The following PARD3B variants were observed in gnomAD, a reference collection of about 807,000 sequenced individuals.
The protein encoded by PARD3B is par-3 family cell polarity regulator beta.
Under a neutral mutation model 130.2 loss-of-function variants are expected in PARD3B, and 103 were observed. The ratio of observed to expected loss-of-function variants is 0.79; its 90% CI spans 0.67 to 0.93. The LOEUF (loss-of-function observed/expected upper bound fraction) is 0.93. Among genes scored for constraint, PARD3B ranks in the 40% least tolerant of loss-of-function variants. PARD3B has a pLI of 0.00. For missense variants in PARD3B, 1,609 were observed against 1,499.2 expected (o/e 1.07, Z -1.21); for synonymous variants, 583 against 553.2 (o/e 1.05, Z -0.76).
At chr2:204,923,111 TATTA>T (rs2047747207) in intron 2 of PARD3B, among the ~76,000 whole-genome samples, 1 of 152,106 alleles carries the variant, frequency 6.6e-6, no homozygotes, top group African/African-American at 2.4e-5. Context: ...GTTTATATTT[TATTA>T]ATTGTAAAAA....
At chr2:204,792,922 C>G (rs1051334709) in intron 2 of PARD3B, among the ~76,000 whole-genome samples, 1 of 151,476 alleles carries the variant, frequency 6.6e-6, no homozygotes, top group Non-Finnish European at 1.5e-5. Context: ...TTTATAGACC[C>G]GTTCATCACC....
chr2:205,096,171 T>A (rs1702383509), intron 4 of PARD3B, among the ~76,000 whole-genome samples: 1 of 152,134 alleles, frequency 6.6e-6, no homozygotes, highest in Non-Finnish European at 1.5e-5. Flanking sequence ...TGTATGTTTA[T>A]TCAGTTGGAG....
At chr2:204,962,189 C>T (rs1456607325) in intron 2 of PARD3B, among the ~76,000 whole-genome samples, 1 of 152,050 alleles carries the variant, frequency 6.6e-6, no homozygotes, top group Admixed American at 6.6e-5. Flanking sequence ...ATTATGGGGT[C>T]TCCTGGAAAT....
intron 2 of PARD3B, among the ~76,000 whole-genome samples, chr2:204,957,515 T>G (rs528730173): frequency 2.6e-5 from 4 of 152,250 alleles, no homozygotes; most frequent in African/African-American, 9.6e-5. Context: ...TCAGTTGAAC[T>G]TTATGAGAAT....
intron 22 of PARD3B, among the ~76,000 whole-genome samples, chr2:205,608,780 T>C (rs1236517239): frequency 6.6e-6 from 1 of 152,236 alleles, no homozygotes; most frequent in East Asian, 1.9e-4. Flanking sequence ...ATTCTTGTAT[T>C]TGTGGTCATT....
In PARD3B at chr2:205,183,730, TTGTGTGTGTGTGTGTGTGTG is replaced by T. The variant is rs71410805; in HGVS notation, c.1925-2009_1925-1990del. Among the ~76,000 whole-genome samples the T allele has an allele frequency of 9.9e-4, 137 of 138,252 alleles. No homozygotes were observed. The highest frequency in any genetic ancestry group is 3.6e-3 in the African/African-American group (134 of 37,174). The allele number at this position is 138,252 out of a possible 152,430, so 90.7% of individuals were successfully genotyped here. ...GGTTCTGCAGAGAAACAGAACCAAG[TTGTGTGTGTGTGTGTGTGTG>T]TGTGTGTGTGTGTGTGTGTGTGTGA... On this transcript the variant is annotated intron_variant, in intron 13 of 22. Transcript: ENST00000406610. The surrounding 1 kb of genome is among the most constrained non-coding windows in gnomAD (Gnocchi z 5.2).
At chr2:204,561,588 C>A (rs532980188) in intron 1 of PARD3B, among the ~76,000 whole-genome samples, 1 of 150,580 alleles carries the variant, frequency 6.6e-6, no homozygotes, top group African/African-American at 2.5e-5. Context: ...TACTCATCTC[C>A]CTTGTATTTT....
chr2:205,433,554 G>C (rs144703850), intron 19 of PARD3B, among the ~76,000 whole-genome samples: 2,852 of 131,402 alleles, frequency 0.022, 38 homozygotes, highest in Non-Finnish European at 0.029. Context: ...AAAAAAAAAA[G>C]GTAAATTGAG....
chr2:205,256,894 G>A (rs1256973737), intron 16 of PARD3B, among the ~76,000 whole-genome samples: 1 of 151,276 alleles, frequency 6.6e-6, no homozygotes, highest in East Asian at 1.9e-4. Context: ...TTAACCATGA[G>A]ACCTGTCATT....
chr2:205,420,186 G>A lies in PARD3B; in HGVS notation c.2741+19063G>A, dbSNP rs566632367. ...AAGAAGCTGTGTTTATGCTTTTCAA[G>A]AGCTATTAGTGGTGTGTGCATGTGA... On this transcript the variant is annotated intron_variant, in intron 19 of 22. Transcript: ENST00000406610. Among the ~76,000 whole-genome samples the A allele has an allele frequency of 3.3e-5, 5 of 152,278 alleles. No homozygotes were observed. The East Asian group carries it at 9.7e-4, about 29-fold the overall frequency.
chr2:205,056,609 T>C (rs1367906990), intron 4 of PARD3B, among the ~76,000 whole-genome samples: 1 of 151,914 alleles, frequency 6.6e-6, no homozygotes, highest in Non-Finnish European at 1.5e-5. Flanking sequence ...AAATTGCTAC[T>C]TTTAGCAAAT....
intron 1 of PARD3B, among the ~76,000 whole-genome samples, chr2:204,640,341 G>C (rs1037476797): frequency 1.3e-5 from 2 of 152,142 alleles, no homozygotes; most frequent in African/African-American, 4.8e-5. Flanking sequence ...GGCATCAGCA[G>C]GTTCCCTTGC....
At chr2:204,560,768 G>C (rs2031256258) in intron 1 of PARD3B, among the ~76,000 whole-genome samples, 1 of 152,096 alleles carries the variant, frequency 6.6e-6, no homozygotes, top group African/African-American at 2.4e-5. Context: ...AGATATTGTT[G>C]GACCTACCTT....
intron 15 of PARD3B, among the ~76,000 whole-genome samples, chr2:205,227,248 G>A (rs188751730): frequency 2.2e-4 from 33 of 152,192 alleles, no homozygotes; most frequent in African/African-American, 7.5e-4. Context: ...TTTCTGTCTC[G>A]ATGATCTGTC....
intron 15 of PARD3B, among the ~76,000 whole-genome samples, chr2:205,228,365 A>G (rs1161937576): frequency 6.6e-6 from 1 of 152,178 alleles, no homozygotes; most frequent in Non-Finnish European, 1.5e-5. Context: ...TATTTATGCC[A>G]GATATACTAT....
At chr2:204,997,715 C>G (rs1185435501) in intron 3 of PARD3B, among the ~76,000 whole-genome samples, 3 of 151,590 alleles carry the variant, frequency 2.0e-5, no homozygotes, top group Non-Finnish European at 4.4e-5. Context: ...TATACTTGTC[C>G]TTCTTGCATT....
intron 2 of PARD3B, among the ~76,000 whole-genome samples, chr2:204,956,465 A>C (rs236818): frequency 0.55 from 83,501 of 151,676 alleles, 24,120 homozygotes; most frequent in East Asian, 0.76. Flanking sequence ...CTTTAAAAAA[A>C]GCAGGTAAGA....
intron 4 of PARD3B, among the ~76,000 whole-genome samples, chr2:205,060,350 A>G (rs1330085056): frequency 6.6e-6 from 1 of 152,156 alleles, no homozygotes; most frequent in Non-Finnish European, 1.5e-5. Context: ...TCTGTGAAGG[A>G]GAAAATTTTT....
At chr2:205,445,790 G>A (rs891727389) in intron 20 of PARD3B, among the ~76,000 whole-genome samples, 2 of 152,222 alleles carry the variant, frequency 1.3e-5, no homozygotes, top group Admixed American at 6.5e-5. Context: ...GAATGAAGCT[G>A]ATATGGGTCC....
Sources: gnomAD v4.1 joint callset for allele counts (sites outside exome capture counted in the v4.1 genomes callset) on GRCh38, gnomAD v4.1.1 for gene constraint, Gnocchi (gnomAD v3.1) non-coding constraint, MANE v1.5 for transcripts, NCBI Gene and HGNC (gene_info 2026-07-23, HGNC 2026-07-21) for gene names.